The following VWA5B1 variants were observed in gnomAD, a reference collection of about 807,000 sequenced individuals.
VWA5B1 encodes the protein von Willebrand factor A domain containing 5B1, also known as von Willebrand factor A domain-containing protein 5B1.
In VWA5B1, 115 loss-of-function variants were observed where a neutral mutation model predicts 118.2. The observed-to-expected ratio is 0.97, with a 90% CI of 0.84 to 1.14. The LOEUF (loss-of-function observed/expected upper bound fraction) is 1.14, where lower values mean the gene tolerates loss of function less well. Ranked by LOEUF, VWA5B1 falls within the 50% of genes most tolerant of loss-of-function variation. VWA5B1 has a pLI of 0.00. For missense variants in VWA5B1, 1,596 were observed against 1,603.8 expected (o/e 1.00, Z 0.08); for synonymous variants, 682 against 658.4 (o/e 1.04, Z -0.55).
intron 1 of VWA5B1, among the ~76,000 whole-genome samples, chr1:20,307,473 T>A (rs866081224): frequency 8.5e-5 from 13 of 152,224 alleles, no homozygotes; most frequent in South Asian, 2.1e-4. Flanking sequence ...GCCAGCACAC[T>A]CCCTTGAGGC....
chr1:20,346,729 T>C (rs1196037942), intron 17 of VWA5B1, among the ~76,000 whole-genome samples: 1 of 152,234 alleles, frequency 6.6e-6, no homozygotes, highest in African/African-American at 2.4e-5. Flanking sequence ...GAGATGCTTG[T>C]CATGTTTATG....
chr1:20,319,288 ACCC>A lies in VWA5B1; in HGVS notation c.842-92_842-90del, dbSNP rs1335034175. On this transcript the variant is annotated intron_variant, in intron 6 of 21. Coordinates refer to ENST00000289815, the MANE Select transcript of VWA5B1 (RefSeq NM_001039500.3). ...CACCCCGCTTCCAAATGGGAGTCCC[ACCC>A]CTGTGAGAATCTTGCACCTAAACCA... 4 of 1,499,926 alleles carry A rather than the reference ACCC, an allele frequency of 2.7e-6. No homozygotes were observed. In the Admixed American group the frequency reaches 8.3e-5, roughly 31 times the overall value. 92.9% of individuals were successfully genotyped at this position (1,499,926 alleles called of 1,614,324 possible).
chr1:20,337,524 C>A, intron 13 of VWA5B1, 122 bp from the exon 14 acceptor site: 1 of 1,142,978 alleles, frequency 8.7e-7, no homozygotes, highest in Non-Finnish European at 1.2e-6. Flanking sequence ...GAGGCATCTG[C>A]ATATATTTCA....
intron 7 of VWA5B1, among the ~76,000 whole-genome samples, chr1:20,322,430 G>A (rs370636171): frequency 8.5e-5 from 13 of 152,178 alleles, no homozygotes; most frequent in Admixed American, 8.5e-4. Flanking sequence ...AAGGGGAAGG[G>A]TCCTGGCCTC....
At chr1:20,328,137 C>T in intron 9 of VWA5B1, 137 bp downstream of exon 9, 1 of 764,066 alleles carries the variant, frequency 1.3e-6, no homozygotes, top group South Asian at 1.7e-5. Context: ...CCAGATCACA[C>T]CCGGGGGCAG....
chr1:20,317,221 A>G (rs950556791), intron 4 of VWA5B1, among the ~76,000 whole-genome samples: 1 of 151,526 alleles, frequency 6.6e-6, no homozygotes, highest in Non-Finnish European at 1.5e-5. Flanking sequence ...ACTGAGCTTC[A>G]GTGTCCCCAC....
chr1:20,334,387 CTCCT>C (rs1213124768), intron 12 of VWA5B1, among the ~76,000 whole-genome samples: 1 of 152,208 alleles, frequency 6.6e-6, no homozygotes, highest in Non-Finnish European at 1.5e-5. Context: ...CAAATCCATT[CTCCT>C]TTGCTTACTC....
At chr1:20,291,395 C>CTCTCTCTCTCT (rs2088301828) in intron 1 of VWA5B1, among the ~76,000 whole-genome samples, 6 of 144,764 alleles carry the variant, frequency 4.1e-5, no homozygotes, top group East Asian at 2.1e-4. Flanking sequence ...CTTTCTGTCT[C>CTCTCTCTCTCT]CTCTATTTCT....
chr1:20,300,951 C>T (rs1259383196), intron 1 of VWA5B1, among the ~76,000 whole-genome samples: 2 of 152,214 alleles, frequency 1.3e-5, no homozygotes, highest in Non-Finnish European at 2.9e-5. Context: ...GGTGGCAGGA[C>T]TTGTCCTCAG....
At chr1:20,291,635 A>T (rs762221539) in intron 1 of VWA5B1, among the ~76,000 whole-genome samples, 3 of 151,922 alleles carry the variant, frequency 2.0e-5, no homozygotes, top group African/African-American at 7.3e-5. Flanking sequence ...GCTCTGGGGC[A>T]GTCAGGAGCT....
At chr1:20,352,969 A>G (rs902743855) in intron 21 of VWA5B1, among the ~76,000 whole-genome samples, 68 of 152,200 alleles carry the variant, frequency 4.5e-4, no homozygotes, top group African/African-American at 1.6e-3. Context: ...GAACCAGGCA[A>G]TTCTAACCCT....
In VWA5B1 at chr1:20,330,266, C is replaced by G. The variant is rs1393352165; in HGVS notation, c.1341C>G (p.Val447=). 1 of 1,551,632 alleles carries G rather than the reference C, an allele frequency of 6.4e-7. No individual in the cohort carries two copies. The highest frequency in any genetic ancestry group is 8.7e-7 in the Non-Finnish European group (1 of 1,147,042). The change falls in exon 10 of 22, where the codon GTC becomes GTG. Residue 447 remains valine (V), a synonymous_variant. Transcript: ENST00000289815. ...GTNILSPLKW[V]IRQPVHRGHP... ...ACATCCTTTCCCCTCTCAAGTGGGT[C>G]ATCAGGCAGCCAGTGCACCGAGGCC...
At position 20,350,903 on chromosome 1, in the gene VWA5B1, C is replaced by G. The variant is rs1256424126; in HGVS notation, c.3000C>G (p.Ala1000=). Residue 1000 remains alanine (A), a synonymous_variant, in exon 20 of 22, where the codon GCC becomes GCG. Coordinates refer to ENST00000289815, the MANE Select transcript of VWA5B1 (RefSeq NM_001039500.3). ...LATNTLSSMK[A]SENLFGSWLN... ...CAAATACTCTTTCTTCCATGAAGGCCTCAGAGAATCTCTTTGGATCCTGGT... is the reference window on the plus strand; with the variant it reads ...CAAATACTCTTTCTTCCATGAAGGCGTCAGAGAATCTCTTTGGATCCTGGT... 3 of 1,551,850 alleles carry G rather than the reference C, an allele frequency of 1.9e-6. No individual in the cohort carries two copies. Among genetic ancestry groups the G allele is most frequent in the East Asian group, 4.9e-5 (2 of 40,938 alleles).
At chr1:20,294,717 G>T (rs1176815532) in intron 1 of VWA5B1, among the ~76,000 whole-genome samples, 1 of 152,064 alleles carries the variant, frequency 6.6e-6, no homozygotes, top group Non-Finnish European at 1.5e-5. Flanking sequence ...AGCCTCCCAA[G>T]TAGCTGAGAT....
chr1:20,318,333 T>C (rs2089090964), intron 5 of VWA5B1: 2 of 539,182 alleles, frequency 3.7e-6, no homozygotes, highest in Non-Finnish European at 6.7e-6. Flanking sequence ...GCGTGCCCTA[T>C]AAGAATGCAA....
chr1:20,346,440 T>C (rs1187085482), intron 17 of VWA5B1, among the ~76,000 whole-genome samples: 1 of 152,254 alleles, frequency 6.6e-6, no homozygotes, highest in African/African-American at 2.4e-5. Flanking sequence ...TAGACCTTTA[T>C]TTTATTCCCC....
chr1:20,316,526 C>G (rs1437710040), intron 4 of VWA5B1, among the ~76,000 whole-genome samples: 1 of 152,110 alleles, frequency 6.6e-6, no homozygotes, highest in East Asian at 1.9e-4. Context: ...CACCCAAATG[C>G]TGCCAAGTAT....
Position 20,312,907 on chromosome 1 carries a change from G to C in VWA5B1, c.211G>C (p.Val71Leu). The C allele has an allele frequency of 6.4e-7, 1 of 1,551,682 alleles. No individual in the cohort carries two copies. The highest frequency in any genetic ancestry group is 8.7e-7 in the Non-Finnish European group (1 of 1,146,998). ...TGAGGCAGTCATTGCCGACCGTGTC[G>C]TGACAGTACAGATCAAGGACAAAGC... is the stretch of plus-strand genomic sequence containing the variant. ...GFEAVIADRV[V>L]TVQIKDKAKL... is the part of the protein sequence containing the mutation. The change falls in exon 3 of 22, where the codon GTG (valine) becomes CTG (leucine). Residue 71 changes from valine to leucine, a missense_variant. Transcript: ENST00000289815.
chr1:20,345,650 A>C (rs1212833174), intron 17 of VWA5B1, 57 bp downstream of exon 17: 2 of 1,483,482 alleles, frequency 1.3e-6, no homozygotes, highest in Admixed American at 4.8e-5. Flanking sequence ...CCTGTGGACT[A>C]GGGGAGGGGG....
Sources: allele counts gnomAD v4.1 joint callset (sites outside exome capture counted in the v4.1 genomes callset), GRCh38; gene constraint gnomAD v4.1.1; transcripts MANE v1.5; gene names NCBI Gene and HGNC (gene_info 2026-07-23, HGNC 2026-07-21).